ZNF385D: variants seen among roughly 807,000 people sequenced by gnomAD.
The protein encoded by ZNF385D is zinc finger protein 385D.
A neutral mutation model predicts 35.8 loss-of-function variants in ZNF385D; 15 were observed. The ratio of observed to expected loss-of-function variants is 0.42; its 90% CI spans 0.28 to 0.64. The LOEUF (loss-of-function observed/expected upper bound fraction) is 0.64, where lower values mean the gene tolerates loss of function less well. ZNF385D is among the 30% of genes least tolerant of loss of function. The probability of loss-of-function intolerance (pLI) is 0.23; values close to 1 mark genes in which losing one functional copy is unlikely to be tolerated. For synonymous variants in ZNF385D, 212 were observed against 186.8 expected (o/e 1.13, Z -1.10); for missense variants, 474 against 494.6 (o/e 0.96, Z 0.39).
chr3:21,945,218 A>G (rs990111011), intron 3 of ZNF385D, among the ~76,000 whole-genome samples: 1 of 152,008 alleles, frequency 6.6e-6, no homozygotes, highest in African/African-American at 2.4e-5. Context: ...AATGAAAGAG[A>G]GAAAGAGACA....
chr3:22,249,581 G>T (rs1202095463), intron 2 of ZNF385D, among the ~76,000 whole-genome samples: 2 of 152,122 alleles, frequency 1.3e-5, no homozygotes, highest in African/African-American at 4.8e-5. Flanking sequence ...CACTCCTTAG[G>T]TAAGGATGAG....
At chr3:21,826,209 T>C (rs1036490416) in intron 3 of ZNF385D, among the ~76,000 whole-genome samples, 38 of 152,184 alleles carry the variant, frequency 2.5e-4, no homozygotes, top group Admixed American at 2.3e-3. Flanking sequence ...CTGGCCACTA[T>C]AGACTAAACT....
intron 1 of ZNF385D, among the ~76,000 whole-genome samples, chr3:21,730,184 A>G (rs2068931751): frequency 6.6e-6 from 1 of 152,206 alleles, no homozygotes; most frequent in African/African-American, 2.4e-5. Context: ...GAACAACCTG[A>G]CCACAGAGCA....
chr3:21,841,493 C>T (rs1212410495), intron 3 of ZNF385D, among the ~76,000 whole-genome samples: 2 of 152,100 alleles, frequency 1.3e-5, no homozygotes, highest in East Asian at 3.9e-4. Context: ...TTCTAGGTTA[C>T]AAGTCGTAAG....
At chr3:21,740,140 T>C (rs1045861165) in intron 1 of ZNF385D, among the ~76,000 whole-genome samples, 1 of 152,186 alleles carries the variant, frequency 6.6e-6, no homozygotes, top group Non-Finnish European at 1.5e-5. Context: ...ATGGAATCAT[T>C]TGTCACCGTA....
At chr3:22,133,454 C>G (rs917067116) in intron 3 of ZNF385D, 2 of 149,414 alleles carry the variant, frequency 1.3e-5, no homozygotes, top group African/African-American at 5.1e-5. Context: ...ATATAACAGA[C>G]ATATCAAAAA....
intron 3 of ZNF385D, among the ~76,000 whole-genome samples, chr3:22,139,527 A>T (rs1025143886): frequency 6.6e-6 from 1 of 150,798 alleles, no homozygotes; most frequent in Non-Finnish European, 1.5e-5. Flanking sequence ...AACAAACCAA[A>T]CACCTCATGT....
chr3:21,814,568 G>T (rs1187927160), intron 3 of ZNF385D, among the ~76,000 whole-genome samples: 1 of 152,080 alleles, frequency 6.6e-6, no homozygotes, highest in Admixed American at 6.5e-5. Flanking sequence ...AACCAACAAA[G>T]ATCAAAAGAG....
intron 3 of ZNF385D, among the ~76,000 whole-genome samples, chr3:21,827,478 G>T (rs114156108): frequency 0.01 from 1,528 of 152,244 alleles, 26 homozygotes; most frequent in African/African-American, 0.034. Flanking sequence ...TTGTGGACAA[G>T]CAACATCTCT....
intron 1 of ZNF385D, among the ~76,000 whole-genome samples, chr3:21,707,005 A>T (rs2067930252): frequency 6.6e-6 from 1 of 152,146 alleles, no homozygotes; most frequent in South Asian, 2.1e-4. Context: ...GAAATGCTTG[A>T]TGAAGTTTAA....
At chr3:22,288,652 G>T (rs1406203914) in intron 2 of ZNF385D, among the ~76,000 whole-genome samples, 1 of 150,970 alleles carries the variant, frequency 6.6e-6, no homozygotes, top group African/African-American at 2.5e-5. Context: ...CCTAACCTCA[G>T]TGAGTATTTT....
At position 21,664,760 on chromosome 3, in the gene ZNF385D, G is replaced by A. The variant is rs973590700; in HGVS notation, c.165+126C>T. The A allele has an allele frequency of 1.2e-4, 149 of 1,291,446 alleles. 1 individual carries two copies. Among genetic ancestry groups the A allele is most frequent in the Non-Finnish European group, 1.6e-4 (145 of 925,674 alleles). 80.0% of individuals were successfully genotyped at this position (1,291,446 alleles called of 1,614,324 possible). A position where few individuals can be genotyped will look rare whatever the true frequency, so the allele number is the denominator to read the frequency against. ...CAAGCAAACAACTAACTTCATTATG[G>A]CTTCTAGACAAACCATGCAATGAAC... On this transcript the variant is annotated intron_variant, in intron 2 of 7. Transcript: ENST00000281523.
chr3:22,089,944 T>G (rs528568625), intron 3 of ZNF385D, among the ~76,000 whole-genome samples: 1 of 152,258 alleles, frequency 6.6e-6, no homozygotes, highest in Admixed American at 6.5e-5. Context: ...GTTCAAGCGA[T>G]TCCCCTGCCT....
intron 3 of ZNF385D, among the ~76,000 whole-genome samples, chr3:21,808,918 A>C (rs753719150): frequency 8.5e-5 from 13 of 152,218 alleles, no homozygotes; most frequent in Non-Finnish European, 1.9e-4. Context: ...GACTTTGAAA[A>C]CTAAATTGAC....
intron 2 of ZNF385D, among the ~76,000 whole-genome samples, chr3:22,215,871 T>C (rs1013768399): frequency 6.6e-6 from 1 of 151,994 alleles, no homozygotes; most frequent in Non-Finnish European, 1.5e-5. Context: ...CTTTACAATT[T>C]CTCTCTTTTG....
At chr3:21,804,079 T>A (rs1339075892) in intron 3 of ZNF385D, among the ~76,000 whole-genome samples, 1 of 152,212 alleles carries the variant, frequency 6.6e-6, no homozygotes, top group African/African-American at 2.4e-5. Flanking sequence ...GTAAATTATT[T>A]CAGTTGAGAA....
intron 3 of ZNF385D, among the ~76,000 whole-genome samples, chr3:22,059,556 G>T (rs187129904): frequency 6.6e-6 from 1 of 152,154 alleles, no homozygotes; most frequent in African/African-American, 2.4e-5. Flanking sequence ...GGTTGGTGGT[G>T]GTGGTGGTGA....
At chr3:22,080,283 T>C (rs1700681315) in intron 3 of ZNF385D, among the ~76,000 whole-genome samples, 2 of 152,134 alleles carry the variant, frequency 1.3e-5, no homozygotes, top group South Asian at 2.1e-4. Flanking sequence ...AATGATCTTG[T>C]GTCAGTCACC....
intron 2 of ZNF385D, among the ~76,000 whole-genome samples, chr3:22,198,138 G>A (rs187338398): frequency 6.6e-6 from 1 of 152,084 alleles, no homozygotes; most frequent in Non-Finnish European, 1.5e-5. Context: ...TGTGTATACA[G>A]TAATGCGGTT....
Sources: gnomAD v4.1 joint callset for allele counts (sites outside exome capture counted in the v4.1 genomes callset) on GRCh38, gnomAD v4.1.1 for gene constraint, MANE v1.5 for transcripts, NCBI Gene and HGNC (gene_info 2026-07-23, HGNC 2026-07-21) for gene names.